The following ELF2 variants were observed in gnomAD, a reference collection of about 807,000 sequenced individuals.
ELF2 encodes ETS-related transcription factor Elf-2.
ELF2 carries 11 observed loss-of-function variants against 54.8 expected under a neutral mutation model. That is an observed-to-expected ratio of 0.20 (90% CI 0.13 to 0.33). ELF2 has a LOEUF of 0.33. Ranked by LOEUF, ELF2 falls within the 10% of genes least tolerant of loss-of-function variation. ELF2 has a pLI of 1.00. For synonymous variants in ELF2, 203 were observed against 245.1 expected, an observed-to-expected ratio of 0.83 and a Z score of 1.61; for missense variants, 513 against 703.0, an observed-to-expected ratio of 0.73 and a Z score of 3.06.
chr4:139,173,757 CAAAAAAAA>C (rs1195159962), intron 1 of ELF2, among the ~76,000 whole-genome samples: 4 of 47,588 alleles, frequency 8.4e-5, no homozygotes, highest in African/African-American at 3.1e-4. Flanking sequence ...GACTCCGTCT[CAAAAAAAA>C]AAAAAAAAAA....
At chr4:139,120,700 T>C (rs943169927) in intron 4 of ELF2, among the ~76,000 whole-genome samples, 2 of 152,108 alleles carry the variant, frequency 1.3e-5, no homozygotes, top group African/African-American at 4.8e-5. Flanking sequence ...CCTCTGCCTC[T>C]GCCTCCCAAG....
intron 4 of ELF2, among the ~76,000 whole-genome samples, chr4:139,121,272 C>A (rs902373648): frequency 6.6e-6 from 1 of 150,862 alleles, no homozygotes; most frequent in African/African-American, 2.4e-5. Context: ...CCACGCCCGG[C>A]TAATTTTTTG....
At chr4:139,084,237 G>T in intron 4 of ELF2, 2 of 1,610,812 alleles carry the variant, frequency 1.2e-6, no homozygotes. Flanking sequence ...CTTACACCGT[G>T]AGCAGCGGCG....
At chr4:139,142,182 G>T (rs1413627458) in intron 1 of ELF2, among the ~76,000 whole-genome samples, 1 of 152,192 alleles carries the variant, frequency 6.6e-6, no homozygotes, top group Non-Finnish European at 1.5e-5. Context: ...GGATTATTTG[G>T]CAGGGAGAGC....
intron 4 of ELF2, among the ~76,000 whole-genome samples, chr4:139,106,881 T>C (rs2148799001): frequency 6.6e-6 from 1 of 151,866 alleles, no homozygotes; most frequent in Admixed American, 6.6e-5. Context: ...GCGGCTCAGA[T>C]TACAGGCATG....
chr4:139,077,582 ATT>A (rs1361022135), intron 4 of ELF2, among the ~76,000 whole-genome samples: 5 of 152,172 alleles, frequency 3.3e-5, no homozygotes, highest in Non-Finnish European at 7.4e-5. Flanking sequence ...CTATCTTTTT[ATT>A]TTTGTTTACA....
chr4:139,168,051 A>T (rs187328342), intron 1 of ELF2, among the ~76,000 whole-genome samples: 2 of 152,238 alleles, frequency 1.3e-5, no homozygotes, highest in Non-Finnish European at 2.9e-5. Flanking sequence ...CCCTAAAAAA[A>T]TTATTCACAC....
chr4:139,136,377 T>C (rs1738153880), intron 3 of ELF2, among the ~76,000 whole-genome samples: 1 of 151,708 alleles, frequency 6.6e-6, no homozygotes, highest in Non-Finnish European at 1.5e-5. Flanking sequence ...AATTTGCCCA[T>C]AGCTGATCCG....
chr4:139,075,414 G>T (rs978274690), intron 4 of ELF2, among the ~76,000 whole-genome samples: 2 of 151,952 alleles, frequency 1.3e-5, no homozygotes, highest in Non-Finnish European at 2.9e-5. Flanking sequence ...ACTTTTCATG[G>T]AGCAGACATG....
intron 1 of ELF2, among the ~76,000 whole-genome samples, chr4:139,148,080 C>G (rs1371309449): frequency 1.4e-5 from 2 of 145,484 alleles, no homozygotes; most frequent in Non-Finnish European, 3.0e-5. Flanking sequence ...GCCACCGTGC[C>G]CAGCCAAGAC....
intron 4 of ELF2, among the ~76,000 whole-genome samples, chr4:139,106,729 T>A (rs977675772): frequency 1.4e-5 from 2 of 145,892 alleles, no homozygotes; most frequent in African/African-American, 5.1e-5. Flanking sequence ...AATAGTTTGA[T>A]AACTATATTT....
chr4:139,092,421 CA>C (rs1186844369), intron 4 of ELF2, among the ~76,000 whole-genome samples: 1 of 140,350 alleles, frequency 7.1e-6, no homozygotes, highest in Admixed American at 7.1e-5. Context: ...ACATACATAA[CA>C]TAACATAACA....
chr4:139,169,379 A>C (rs1183276679), intron 1 of ELF2, among the ~76,000 whole-genome samples: 2 of 151,658 alleles, frequency 1.3e-5, no homozygotes, highest in Non-Finnish European at 2.9e-5. Flanking sequence ...ATCACAAAAA[A>C]ACTCATAAAG....
At chr4:139,134,562 ATGTTATT>A (rs1737902287) in intron 3 of ELF2, among the ~76,000 whole-genome samples, 1 of 145,562 alleles carries the variant, frequency 6.9e-6, no homozygotes, top group African/African-American at 2.7e-5. Flanking sequence ...GTTTTATTTT[ATGTTATT>A]TTATTTTATG....
intron 1 of ELF2, among the ~76,000 whole-genome samples, chr4:139,145,550 C>T (rs1188530946): frequency 6.6e-6 from 1 of 152,192 alleles, no homozygotes; most frequent in African/African-American, 2.4e-5. Context: ...AAGTCAGTAT[C>T]ACCCTGATAC....
At chr4:139,078,574 CTTTTT>C (rs35529764) in intron 4 of ELF2, among the ~76,000 whole-genome samples, 1 of 135,552 alleles carries the variant, frequency 7.4e-6, no homozygotes, top group Non-Finnish European at 1.6e-5. Context: ...AATGGCAATT[CTTTTT>C]TTTTTTTTTT....
At position 139,147,374 on chromosome 4, in the gene ELF2, CA is replaced by C. The variant is rs1739320812; in HGVS notation, c.-251-7878del. ...CCTGCAAGAATGGCCATTATTAAGA[CA>C]AAAGACAATAGATATTGGCATGGAC... is the stretch of plus-strand genomic sequence containing the variant. On this transcript the variant is annotated intron_variant, in intron 1 of 9. Transcript: ENST00000686138. Among the ~76,000 whole-genome samples the C allele has an allele frequency of 3.3e-5, 5 of 152,130 alleles. No individual in the cohort carries two copies. The South Asian group carries it at 1.0e-3, about 31-fold the overall frequency.
chr4:139,141,792 C>T (rs549305862), intron 1 of ELF2, among the ~76,000 whole-genome samples: 2 of 152,112 alleles, frequency 1.3e-5, no homozygotes, highest in African/African-American at 4.8e-5. Flanking sequence ...CATCCCTAGT[C>T]CTTTTCTCTT....
intron 4 of ELF2, among the ~76,000 whole-genome samples, chr4:139,093,897 T>C (rs1732950873): frequency 6.8e-4 from 1 of 1,480 alleles, no homozygotes; most frequent in Non-Finnish European, 4.5e-3. Context: ...GACTAACATC[T>C]TTTTTTTTTT....
Sources: allele counts gnomAD v4.1 joint callset (sites outside exome capture counted in the v4.1 genomes callset), GRCh38; gene constraint gnomAD v4.1.1; transcripts MANE v1.5; gene names NCBI Gene and HGNC (gene_info 2026-07-23, HGNC 2026-07-21).